MAPK14: variants seen among roughly 807,000 people sequenced by gnomAD.
The protein encoded by MAPK14 is CSAID-binding protein.
MAPK14 carries 16 observed loss-of-function variants against 49.6 expected under a neutral mutation model. The observed-to-expected ratio is 0.32, with a 90% confidence interval of 0.22 to 0.49. The LOEUF is 0.49. Ranked by LOEUF, MAPK14 falls within the 20% of genes least tolerant of loss-of-function variation. The pLI is 0.99. For synonymous variants in MAPK14, 142 were observed against 158.0 expected (o/e 0.90, Z 0.76); for missense variants, 200 against 441.2 (o/e 0.45, Z 4.90).
chr6:36,108,400 A>G lies in MAPK14; in HGVS notation c.1036A>G (p.Ile346Val), dbSNP rs754407761. 3 of 1,613,930 alleles carry G rather than the reference A, an allele frequency of 1.9e-6. No individual in the cohort carries two copies. The highest frequency in any genetic ancestry group is 2.2e-5 in the South Asian group (2 of 91,090). ...TCTAGGCCTGACCTATGATGAAGTCATCAGCTTTGTGCCACCACCCCTTGA... is the reference window on the plus strand; with the variant it reads ...TCTAGGCCTGACCTATGATGAAGTCGTCAGCTTTGTGCCACCACCCCTTGA... ...EWKSLTYDEVISFVPPPLDQE... is the reference protein window; with the variant it reads ...EWKSLTYDEVVSFVPPPLDQE... The change falls in exon 12 of 12, where the codon ATC becomes GTC. Residue 346 changes from isoleucine to valine, a missense_variant. Ile to Val is a conservative substitution (Grantham distance 29, BLOSUM62 3). Around this residue, in one of 2 missense-constraint regions of MAPK14, gnomAD observed 170 missense variants for 407.0 expected, o/e 0.42. Coordinates refer to ENST00000229794, the MANE Select transcript of MAPK14 (RefSeq NM_139012.3).
At chr6:36,052,675 G>T (rs758121793) in intron 1 of MAPK14, 24 bp from the exon 2 acceptor site, 23 of 1,582,574 alleles carry the variant, frequency 1.5e-5, no homozygotes, top group African/African-American at 8.2e-5. Context: ...TTAATGGTGG[G>T]TTTTTTCCCT....
intron 8 of MAPK14, among the ~76,000 whole-genome samples, chr6:36,088,717 G>A (rs1197063448): frequency 8.6e-5 from 12 of 139,946 alleles, no homozygotes; most frequent in Middle Eastern, 3.4e-3. Flanking sequence ...GCGAGACTCC[G>A]TCTCAAAAAA....
At chr6:36,115,701 G>A (rs1009429928), downstream of MAPK14, among the ~76,000 whole-genome samples, 2 of 152,164 alleles carry the variant, frequency 1.3e-5, no homozygotes, top group East Asian at 3.9e-4. Context: ...GCTGAGGCAA[G>A]TGGATCACTC....
chr6:36,043,123 CA>C (rs113941131), intron 1 of MAPK14, among the ~76,000 whole-genome samples: 25 of 140,446 alleles, frequency 1.8e-4, no homozygotes, highest in Admixed American at 6.5e-4. Context: ...GACCCCGTCT[CA>C]AAAAAAAAAA....
intron 3 of MAPK14, among the ~76,000 whole-genome samples, chr6:36,067,570 A>G (rs1375908075): frequency 6.6e-6 from 1 of 152,160 alleles, no homozygotes; most frequent in Non-Finnish European, 1.5e-5. Flanking sequence ...TCATCCTGTA[A>G]TGTAGACTGT....
downstream of MAPK14, among the ~76,000 whole-genome samples, chr6:36,112,542 C>G (rs1051268077): frequency 6.6e-6 from 1 of 152,156 alleles, no homozygotes; most frequent in Non-Finnish European, 1.5e-5. Flanking sequence ...TTGTATCTTA[C>G]AATAATTTTC....
intron 8 of MAPK14, chr6:36,092,106 T>C: frequency 1.9e-6 from 1 of 513,224 alleles, no homozygotes; most frequent in South Asian, 1.4e-5. Context: ...GAGCATCGAG[T>C]CCCTGCAGCA....
intron 3 of MAPK14, among the ~76,000 whole-genome samples, chr6:36,066,053 G>GTT (rs1355792445): frequency 6.6e-6 from 1 of 152,030 alleles, no homozygotes; most frequent in Non-Finnish European, 1.5e-5. Flanking sequence ...TGGGTGAGCA[G>GTT]TTCTATAAAA....
chr6:36,042,447 C>CAGCTTTTAA (rs1762997510), intron 1 of MAPK14, among the ~76,000 whole-genome samples: 1 of 148,378 alleles, frequency 6.7e-6, no homozygotes. Context: ...CATAAACAAT[C>CAGCTTTTAA]AGCTTTTAAA....
At chr6:36,094,205 G>A (rs140286165) in intron 8 of MAPK14, among the ~76,000 whole-genome samples, 11 of 152,238 alleles carry the variant, frequency 7.2e-5, no homozygotes, top group Admixed American at 2.6e-4. Flanking sequence ...AAAATTCCCT[G>A]TTATTCTTAA....
chr6:36,032,264 AAGT>A (rs1460081126), intron 1 of MAPK14, among the ~76,000 whole-genome samples: 2 of 152,204 alleles, frequency 1.3e-5, no homozygotes, highest in Non-Finnish European at 2.9e-5. Flanking sequence ...GTAAAAAAAC[AAGT>A]AGAAGCCTGT....
At chr6:36,112,419 T>C (rs1470025618), downstream of MAPK14, among the ~76,000 whole-genome samples, 1 of 152,194 alleles carries the variant, frequency 6.6e-6, no homozygotes, top group African/African-American at 2.4e-5. Context: ...AGGGGAAACC[T>C]GAATGGAACT....
intron 1 of MAPK14, among the ~76,000 whole-genome samples, chr6:36,050,639 A>G (rs1763356797): frequency 2.0e-5 from 3 of 152,238 alleles, no homozygotes; most frequent in Admixed American, 2.0e-4. Flanking sequence ...ATTTCAGGTC[A>G]GTGGATACCT....
intron 2 of MAPK14, among the ~76,000 whole-genome samples, chr6:36,054,579 G>A (rs1181431554): frequency 6.6e-6 from 1 of 152,134 alleles, no homozygotes; most frequent in Non-Finnish European, 1.5e-5. Context: ...AACAAAATAA[G>A]GCACATGGCT....
At chr6:36,042,752 C>G (rs1470937969) in intron 1 of MAPK14, among the ~76,000 whole-genome samples, 1 of 151,836 alleles carries the variant, frequency 6.6e-6, no homozygotes, top group Non-Finnish European at 1.5e-5. Context: ...CCTCCTGCCT[C>G]AGACTTCCGA....
At position 36,037,260 on chromosome 6, in the gene MAPK14, A is replaced by G. The variant is rs114974586; in HGVS notation, c.116+8987A>G. 4.1e-3 allele frequency among the ~76,000 whole-genome samples: 621 copies of G among 152,264 alleles called. 3 individuals are homozygous for G. The highest frequency in any genetic ancestry group is 5.5e-3 in the Non-Finnish European group (372 of 68,020). ...TGAGGTACACCTGTATGTATGTGTT[A>G]AGGATTTACAAAATTAACCAGCTTT... On this transcript the variant is annotated intron_variant, in intron 1 of 11. Transcript: ENST00000229794.
intron 8 of MAPK14, among the ~76,000 whole-genome samples, chr6:36,084,715 G>C (rs778034591): frequency 1.3e-5 from 2 of 152,148 alleles, no homozygotes; most frequent in Non-Finnish European, 2.9e-5. Flanking sequence ...GTACCTAAAA[G>C]AATTGGGGAG....
intron 8 of MAPK14, among the ~76,000 whole-genome samples, chr6:36,094,882 G>A (rs1765386638): frequency 6.6e-6 from 1 of 152,152 alleles, no homozygotes; most frequent in African/African-American, 2.4e-5. Flanking sequence ...TATGTATATA[G>A]AGTGTTGAGG....
the MAPK14 span, among the ~76,000 whole-genome samples, chr6:36,123,902 G>A: frequency 3.9e-5 from 6 of 152,020 alleles, no homozygotes; most frequent in Non-Finnish European, 7.4e-5. Context: ...AGTGTGGACC[G>A]GATGGTGTGG....
Sources: allele counts gnomAD v4.1 joint callset (sites outside exome capture counted in the v4.1 genomes callset), GRCh38; gene constraint gnomAD v4.1.1; regional missense constraint gnomAD v4.1.1; transcripts MANE v1.5; gene names NCBI Gene and HGNC (gene_info 2026-07-23, HGNC 2026-07-21).